Variants in GOLM2 observed in about 807,000 individuals in gnomAD.
GOLM2 encodes golgi membrane protein 2.
GOLM2 carries 26 observed loss-of-function variants against 55.9 expected under a neutral mutation model. The ratio of observed to expected loss-of-function variants is 0.47; its 90% CI spans 0.34 to 0.65. The LOEUF (loss-of-function observed/expected upper bound fraction) is 0.65. Ranked by LOEUF, GOLM2 falls within the 30% of genes least tolerant of loss-of-function variation. The pLI is 0.01. For synonymous variants in GOLM2, 165 were observed against 194.6 expected (o/e 0.85, Z 1.27); for missense variants, 486 against 531.8 (o/e 0.91, Z 0.85).
chr15:44,398,606 T>C (rs540088646), intron 8 of GOLM2, among the ~76,000 whole-genome samples: 1 of 152,112 alleles, frequency 6.6e-6, no homozygotes, highest in South Asian at 2.1e-4. Flanking sequence ...TAGGAGATTC[T>C]ATATACTTTG....
At position 44,403,063 on chromosome 15, in the gene GOLM2, G is replaced by A; in HGVS notation, c.1240+9G>A. On this transcript the variant is annotated intron_variant, in intron 9 of 9. Coordinates refer to ENST00000299957, the MANE Select transcript of GOLM2 (RefSeq NM_138423.4). The stretch of plus-strand genomic sequence containing the variant: ...AGAGGAAGACGTCCAAGGTGAGCGT[G>A]GGCCTGGCCTCCATGCTATAACCAT... 1.2e-6 allele frequency: 2 copies of A among 1,613,976 alleles called. No individual in the cohort carries two copies. The highest frequency in any genetic ancestry group is 1.7e-6 in the Non-Finnish European group (2 of 1,179,986).
At chr15:44,320,299 A>ATTAT (rs2078940235) in intron 1 of GOLM2, among the ~76,000 whole-genome samples, 1 of 151,714 alleles carries the variant, frequency 6.6e-6, no homozygotes, top group Non-Finnish European at 1.5e-5. Context: ...ATTATATTTC[A>ATTAT]TTATTTATTT....
chr15:44,353,839 T>C (rs538176420), intron 6 of GOLM2, among the ~76,000 whole-genome samples: 22 of 152,190 alleles, frequency 1.4e-4, no homozygotes, highest in African/African-American at 4.6e-4. Flanking sequence ...GTACAAAAAA[T>C]AGAAAGAATG....
chr15:44,413,215 G>A lies in GOLM2; in HGVS notation c.1241-121G>A, dbSNP rs552065792. ...GCAACTAAGAAATAGAACACTATTT[G>A]TACTAGGTGTAAAATAACAAGCAGG... On this transcript the variant is annotated intron_variant, in intron 9 of 9. Transcript: ENST00000299957. 4 of 650,244 alleles carry A rather than the reference G, an allele frequency of 6.2e-6. No individual in the cohort carries two copies. The South Asian group carries it at 8.3e-5, about 14-fold the overall frequency. 40.3% of individuals were successfully genotyped at this position (650,244 alleles called of 1,614,324 possible).
chr15:44,292,750 A>G (rs2078729954), intron 1 of GOLM2, among the ~76,000 whole-genome samples: 1 of 152,148 alleles, frequency 6.6e-6, no homozygotes, highest in South Asian at 2.1e-4. Flanking sequence ...GCTGCTTAGT[A>G]GAAAGGGTAG....
chr15:44,385,965 A>G (rs2079441220), intron 8 of GOLM2, among the ~76,000 whole-genome samples: 1 of 152,150 alleles, frequency 6.6e-6, no homozygotes, highest in South Asian at 2.1e-4. Context: ...TGATTTGCAA[A>G]TATTTTTGCA....
At chr15:44,344,953 C>T (rs1179233878) in intron 6 of GOLM2, among the ~76,000 whole-genome samples, 2 of 149,602 alleles carry the variant, frequency 1.3e-5, no homozygotes, top group African/African-American at 4.9e-5. Context: ...ACTACAGGCA[C>T]CCGCCACCAT....
intron 9 of GOLM2, among the ~76,000 whole-genome samples, chr15:44,404,127 A>G (rs2079583236): frequency 6.6e-6 from 1 of 152,140 alleles, no homozygotes; most frequent in African/African-American, 2.4e-5. Context: ...TCTCTTTTCT[A>G]TAAAAGTTGA....
At chr15:44,298,213 G>GA (rs1430486275) in intron 1 of GOLM2, among the ~76,000 whole-genome samples, 4 of 150,712 alleles carry the variant, frequency 2.7e-5, no homozygotes, top group Non-Finnish European at 5.9e-5. Context: ...TGTCCACTAT[G>GA]AAGCCCCCTG....
chr15:44,368,343 G>T (rs1001728408), intron 6 of GOLM2, among the ~76,000 whole-genome samples: 3 of 149,288 alleles, frequency 2.0e-5, no homozygotes, highest in Non-Finnish European at 4.4e-5. Context: ...TTAGAGACGG[G>T]GTTTCACCAT....
intron 1 of GOLM2, among the ~76,000 whole-genome samples, chr15:44,310,502 C>CCACACACACACACA (rs34821071): frequency 9.4e-4 from 117 of 124,698 alleles, no homozygotes; most frequent in African/African-American, 3.4e-3. Flanking sequence ...ACACACACAC[C>CCACACACACACACA]CACACACACA....
At chr15:44,345,836 T>C (rs2079120614) in intron 6 of GOLM2, 1 of 152,136 alleles carries the variant, frequency 6.6e-6, no homozygotes, top group Non-Finnish European at 1.5e-5. Context: ...CCCTTGGTTC[T>C]TATTTTTCTT....
chr15:44,308,622 A>G (rs1354398481), intron 1 of GOLM2: 2 of 151,700 alleles, frequency 1.3e-5, no homozygotes, highest in African/African-American at 4.8e-5. Flanking sequence ...TTTTTTTTAG[A>G]GACAAGGTCT....
intron 6 of GOLM2, among the ~76,000 whole-genome samples, chr15:44,366,019 C>G (rs2079280965): frequency 6.6e-6 from 1 of 152,018 alleles, no homozygotes; most frequent in African/African-American, 2.4e-5. Flanking sequence ...AAGTCTTGGC[C>G]GAGCGCGGTG....
At position 44,350,967 on chromosome 15, in the gene GOLM2, A is replaced by G. The variant is rs537165434; in HGVS notation, c.802+12650A>G. Among the ~76,000 whole-genome samples the G allele has an allele frequency of 7.4e-4, 113 of 152,288 alleles. 1 individual carries two copies. The highest frequency in any genetic ancestry group is 1.6e-3 in the Admixed American group (24 of 15,308). On this transcript the variant is annotated intron_variant, in intron 6 of 9. Transcript: ENST00000299957. ...TCCTCAAAAAACTGGATGTAGAAAG[A>G]AGAACATACCTCAACATAATAAAAG...
At chr15:44,409,241 G>A (rs1470414503) in intron 9 of GOLM2, among the ~76,000 whole-genome samples, 2 of 146,926 alleles carry the variant, frequency 1.4e-5, no homozygotes, top group Non-Finnish European at 3.0e-5. Flanking sequence ...CCAAGATCGC[G>A]CCACTGCACT....
chr15:44,342,274 A>G (rs1381276495), intron 6 of GOLM2, among the ~76,000 whole-genome samples: 1 of 148,964 alleles, frequency 6.7e-6, no homozygotes, highest in Non-Finnish European at 1.5e-5. Context: ...TTATTTATTT[A>G]TATTTTTTGG....
chr15:44,376,135 G>A (rs2079363222), intron 6 of GOLM2, among the ~76,000 whole-genome samples: 1 of 152,228 alleles, frequency 6.6e-6, no homozygotes, highest in Non-Finnish European at 1.5e-5. Flanking sequence ...TGGGACGGCT[G>A]AGGCAGGAGA....
At chr15:44,411,828 C>CAAA (rs60534778) in intron 9 of GOLM2, among the ~76,000 whole-genome samples, 3 of 68,348 alleles carry the variant, frequency 4.4e-5, no homozygotes, top group East Asian at 3.7e-4. Context: ...GACTGCATCT[C>CAAA]AAAAAAAAAA....
Sources: gnomAD v4.1 joint callset for allele counts (sites outside exome capture counted in the v4.1 genomes callset) on GRCh38, gnomAD v4.1.1 for gene constraint, MANE v1.5 for transcripts, NCBI Gene and HGNC (gene_info 2026-07-23, HGNC 2026-07-21) for gene names.